The following ZNF385D variants were observed in gnomAD, a reference collection of about 807,000 sequenced individuals.
The protein encoded by ZNF385D is zinc finger protein 385D.
ZNF385D carries 15 observed loss-of-function variants against 35.8 expected under a neutral mutation model. The ratio of observed to expected loss-of-function variants is 0.42; its 90% CI spans 0.28 to 0.64. The LOEUF is 0.64. Among genes scored for constraint, ZNF385D ranks in the 30% least tolerant of loss-of-function variants. The probability of loss-of-function intolerance (pLI) is 0.23; values close to 1 mark genes in which losing one functional copy is unlikely to be tolerated. For synonymous variants in ZNF385D, 212 were observed against 186.8 expected, an observed-to-expected ratio of 1.13 and a Z score of -1.10; for missense variants, 474 against 494.6, an observed-to-expected ratio of 0.96 and a Z score of 0.39.
At chr3:22,267,392 CTACA>C (rs1177934980) in intron 2 of ZNF385D, among the ~76,000 whole-genome samples, 2 of 151,398 alleles carry the variant, frequency 1.3e-5, no homozygotes, top group Non-Finnish European at 2.9e-5. Flanking sequence ...AACACAAAAA[CTACA>C]TATTTAGATG....
intron 2 of ZNF385D, among the ~76,000 whole-genome samples, chr3:22,235,865 C>T: frequency 6.6e-6 from 1 of 151,970 alleles, no homozygotes; most frequent in African/African-American, 2.4e-5. Flanking sequence ...TAAAAAAGTG[C>T]CCAGATTCAT....
chr3:22,340,935 A>C (rs549189702), intron 2 of ZNF385D, among the ~76,000 whole-genome samples: 1 of 152,154 alleles, frequency 6.6e-6, no homozygotes, highest in African/African-American at 2.4e-5. Flanking sequence ...TGTATATTCT[A>C]TCTCTTCCCA....
chr3:22,067,761 C>T (rs957447043), intron 3 of ZNF385D, among the ~76,000 whole-genome samples: 8 of 152,218 alleles, frequency 5.3e-5, no homozygotes, highest in Non-Finnish European at 8.8e-5. Context: ...TGGTGGCTCA[C>T]GCCTGTAATT....
At chr3:21,847,035 G>T (rs376274696) in intron 3 of ZNF385D, among the ~76,000 whole-genome samples, 5 of 152,026 alleles carry the variant, frequency 3.3e-5, no homozygotes, top group Admixed American at 1.3e-4. Flanking sequence ...GTACTTTTGT[G>T]TTACAGGGCT....
At chr3:21,449,768 A>G (rs1191656796) in intron 4 of ZNF385D, among the ~76,000 whole-genome samples, 1 of 152,188 alleles carries the variant, frequency 6.6e-6, no homozygotes, top group Non-Finnish European at 1.5e-5. Context: ...CATGGATGTG[A>G]GACTAATTTC....
At chr3:22,178,894 T>C (rs1328440030) in intron 2 of ZNF385D, among the ~76,000 whole-genome samples, 1 of 152,242 alleles carries the variant, frequency 6.6e-6, no homozygotes, top group African/African-American at 2.4e-5. Flanking sequence ...CAGATAGTTG[T>C]AGATATGTGG....
intron 3 of ZNF385D, among the ~76,000 whole-genome samples, chr3:21,947,842 A>T (rs373707823): frequency 2.0e-5 from 3 of 151,984 alleles, no homozygotes; most frequent in African/African-American, 4.8e-5. Context: ...AGGGTTATGT[A>T]TTTGTCTATA....
At chr3:22,365,084 G>A (rs191391531) in intron 2 of ZNF385D, among the ~76,000 whole-genome samples, 11 of 152,114 alleles carry the variant, frequency 7.2e-5, no homozygotes, top group African/African-American at 2.4e-4. Flanking sequence ...GTTGCCAGGG[G>A]CTGTGGGCAG....
At chr3:22,306,063 T>C (rs1011686361) in intron 2 of ZNF385D, among the ~76,000 whole-genome samples, 6 of 152,140 alleles carry the variant, frequency 3.9e-5, no homozygotes, top group Non-Finnish European at 8.8e-5. Flanking sequence ...TATAGCTTGT[T>C]TCCTTGTGGA....
At chr3:21,885,013 T>TA (rs559113190) in intron 3 of ZNF385D, among the ~76,000 whole-genome samples, 290 of 152,178 alleles carry the variant, frequency 1.9e-3, no homozygotes, top group African/African-American at 5.9e-3. Context: ...ATGCAGTAGA[T>TA]ATAACTTGCA....
intron 1 of ZNF385D, among the ~76,000 whole-genome samples, chr3:21,747,043 T>C (rs2069807614): frequency 2.0e-5 from 3 of 151,316 alleles, no homozygotes; most frequent in Non-Finnish European, 3.0e-5. Context: ...GATTTTCTTT[T>C]TTTTTTTTTT....
At chr3:21,902,292 G>T (rs1699452474) in intron 3 of ZNF385D, among the ~76,000 whole-genome samples, 1 of 152,134 alleles carries the variant, frequency 6.6e-6, no homozygotes, top group Admixed American at 6.6e-5. Context: ...TCTAGTCCAT[G>T]ATTTAACTGA....
intron 3 of ZNF385D, among the ~76,000 whole-genome samples, chr3:22,122,837 G>A (rs1703166278): frequency 6.6e-6 from 1 of 152,110 alleles, no homozygotes; most frequent in Non-Finnish European, 1.5e-5. Context: ...AAATGCAAAG[G>A]CCCTGATGTA....
At chr3:21,938,899 A>G (rs576092376) in intron 3 of ZNF385D, among the ~76,000 whole-genome samples, 2 of 152,316 alleles carry the variant, frequency 1.3e-5, no homozygotes, top group South Asian at 2.1e-4. Flanking sequence ...AATTTAGTAT[A>G]TAAGTGTATT....
Position 22,257,147 on chromosome 3 carries a change from A to T in ZNF385D, c.107-88112T>A, listed in dbSNP as rs1483827129. On this transcript the variant is annotated intron_variant, in intron 2 of 5. Transcript: ENST00000494108. The stretch of plus-strand genomic sequence containing the variant: ...TTTTGTACAGTAATTTTTCAATAAC[A>T]ATATACAGGCTTCTCAGTCTCACCA... 2.0e-5 allele frequency among the ~76,000 whole-genome samples: 3 copies of T among 151,980 alleles called. No homozygotes were observed. The East Asian group carries it at 5.8e-4, about 30-fold the overall frequency.
At chr3:22,227,841 T>G (rs1157960234) in intron 2 of ZNF385D, among the ~76,000 whole-genome samples, 1 of 152,190 alleles carries the variant, frequency 6.6e-6, no homozygotes, top group African/African-American at 2.4e-5. Context: ...TAAATATGAC[T>G]GCAGAACTAC....
intron 3 of ZNF385D, among the ~76,000 whole-genome samples, chr3:21,523,433 AATT>A (rs1708039914): frequency 6.6e-6 from 1 of 152,212 alleles, no homozygotes; most frequent in Admixed American, 6.5e-5. Flanking sequence ...AGTGCATAGG[AATT>A]ATTATTGATT....
At chr3:21,534,848 C>T (rs796705502) in intron 3 of ZNF385D, among the ~76,000 whole-genome samples, 2 of 152,028 alleles carry the variant, frequency 1.3e-5, no homozygotes, top group African/African-American at 2.4e-5. Context: ...TGTTTGTTTT[C>T]TTTTGAGCAA....
chr3:21,923,127 A>G (rs112179630), intron 3 of ZNF385D, among the ~76,000 whole-genome samples: 28,015 of 151,990 alleles, frequency 0.18, 2,778 homozygotes, highest in Middle Eastern at 0.23. Flanking sequence ...TTGGTGTGCT[A>G]CACCCATTAA....
Sources: allele counts gnomAD v4.1 joint callset (sites outside exome capture counted in the v4.1 genomes callset), GRCh38; gene constraint gnomAD v4.1.1; transcripts MANE v1.5; gene names NCBI Gene and HGNC (gene_info 2026-07-23, HGNC 2026-07-21).